The following AK9 variants were observed in gnomAD, a reference collection of about 807,000 sequenced individuals.
AK9 encodes adenylate kinase 9, also known as adenylate kinase domain containing 1.
AK9 carries 191 observed loss-of-function variants against 239.6 expected under a neutral mutation model. The observed-to-expected ratio is 0.80, with a 90% CI of 0.71 to 0.90. AK9 has a LOEUF of 0.90. AK9 is among the 40% of genes least tolerant of loss of function. The pLI, the probability that AK9 is intolerant of heterozygous loss-of-function variation, is 0.00. For missense variants in AK9, 1,995 were observed against 2,214.7 expected (o/e 0.90, Z 1.99); for synonymous variants, 689 against 721.0 (o/e 0.96, Z 0.71).
Position 109,516,454 on chromosome 6 carries a change from A to C in AK9, c.3822T>G (p.Asp1274Glu), listed in dbSNP as rs1582798970. 6.4e-7 allele frequency: 1 copy of C among 1,551,174 alleles called. No homozygotes were observed. The highest frequency in any genetic ancestry group is 1.4e-5 in the African/African-American group (1 of 73,030). Residue 1274 changes from aspartate to glutamate, a missense_variant, in exon 30 of 41, where the codon GAT becomes GAG. Coordinates refer to ENST00000424296, the MANE Select transcript of AK9 (RefSeq NM_001145128.3). The stretch of plus-strand genomic sequence containing the variant: ...CCTGTATTATTTGTAAATTATGTGT[A>C]TCTGCTTCAAATTTTTCTCCTAGTT... ...RGELGEKFEA[D>E]THNLQIIQDE... is the part of the protein sequence containing the mutation.
intron 26 of AK9, among the ~76,000 whole-genome samples, chr6:109,542,405 A>G (rs1398122873): frequency 6.6e-6 from 1 of 152,186 alleles, no homozygotes; most frequent in Non-Finnish European, 1.5e-5. Context: ...GTTCAATAGC[A>G]CAGAGGGAAA....
chr6:109,493,421 T>C lies in AK9; in HGVS notation c.5684A>G (p.His1895Arg), dbSNP rs773468531. The change falls in exon 41 of 41, where the codon CAT becomes CGT. Residue 1895 changes from histidine to arginine, a missense_variant. Physicochemically the swap from His to Arg is conservative, Grantham distance 29. Coordinates refer to ENST00000424296, the MANE Select transcript of AK9 (RefSeq NM_001145128.3). ...EPQFRAIDFD[H>R]KLKTFLSLRN... is the part of the protein sequence containing the mutation. ...GAGAGAGAGAAAGGTCTTTAACTTATGATCAAAGTCAATGGCTCTGAACTG... is the reference window on the plus strand; with the variant it reads ...GAGAGAGAGAAAGGTCTTTAACTTACGATCAAAGTCAATGGCTCTGAACTG... 13 of 1,614,074 alleles carry C rather than the reference T, an allele frequency of 8.1e-6. No individual in the cohort carries two copies. The East Asian group carries it at 8.9e-5, about 11-fold the overall frequency.
intron 21 of AK9, among the ~76,000 whole-genome samples, chr6:109,571,049 C>G (rs1787354928): frequency 6.6e-6 from 1 of 152,122 alleles, no homozygotes; most frequent in African/African-American, 2.4e-5. Context: ...TTAATAGCCT[C>G]TAAGTTGTTT....
intron 21 of AK9, among the ~76,000 whole-genome samples, chr6:109,566,879 A>G (rs534202334): frequency 6.6e-6 from 1 of 152,342 alleles, no homozygotes; most frequent in South Asian, 2.1e-4. Context: ...CTTTGAAACC[A>G]ATGAGAACAA....
At chr6:109,520,391 T>TTTG (rs915004560) in intron 29 of AK9, among the ~76,000 whole-genome samples, 7 of 152,190 alleles carry the variant, frequency 4.6e-5, no homozygotes, top group African/African-American at 1.7e-4. Context: ...TCTATTATTT[T>TTTG]TTGTTGTTGT....
At chr6:109,622,590 C>T (rs9400307) in intron 12 of AK9, among the ~76,000 whole-genome samples, 83,896 of 144,012 alleles carry the variant, frequency 0.58, 25,987 homozygotes, top group East Asian at 0.84. Context: ...GCATAGTATG[C>T]TATATATGTA....
At chr6:109,558,538 T>C (rs1350406961) in intron 24 of AK9, among the ~76,000 whole-genome samples, 1 of 152,246 alleles carries the variant, frequency 6.6e-6, no homozygotes. Context: ...ATTGTCCATA[T>C]ATGTGTGGCT....
intron 8 of AK9, among the ~76,000 whole-genome samples, chr6:109,646,438 C>T (rs986032968): frequency 2.0e-5 from 3 of 151,986 alleles, no homozygotes; most frequent in Non-Finnish European, 2.9e-5. Flanking sequence ...ATGAGAACTA[C>T]GTGATGCATG....
intron 12 of AK9, among the ~76,000 whole-genome samples, chr6:109,624,433 T>A (rs1795276600): frequency 6.6e-6 from 1 of 152,186 alleles, no homozygotes; most frequent in Admixed American, 6.5e-5. Context: ...TTTTTGTGTG[T>A]GTGACTGAAA....
intron 1 of AK9, among the ~76,000 whole-genome samples, chr6:109,683,503 T>C (rs1025776632): frequency 6.6e-6 from 1 of 152,154 alleles, no homozygotes; most frequent in African/African-American, 2.4e-5. Context: ...GAAAACCCCA[T>C]TGTCTCAGCC....
At chr6:109,665,034 C>T (rs566724439) in intron 5 of AK9, among the ~76,000 whole-genome samples, 26 of 152,004 alleles carry the variant, frequency 1.7e-4, no homozygotes, top group East Asian at 1.4e-3. Flanking sequence ...AGCGAGACTC[C>T]GTCTCAAAAA....
At chr6:109,591,220 T>C (rs1021937278) in intron 17 of AK9, among the ~76,000 whole-genome samples, 8 of 152,178 alleles carry the variant, frequency 5.3e-5, no homozygotes, top group African/African-American at 1.9e-4. Context: ...TGCATATATA[T>C]TTAGAAATGA....
At chr6:109,549,146 T>C (rs1783990173) in intron 25 of AK9, among the ~76,000 whole-genome samples, 1 of 152,212 alleles carries the variant, frequency 6.6e-6, no homozygotes, top group Non-Finnish European at 1.5e-5. Flanking sequence ...ATGACTATTG[T>C]ATAGCCATGG....
chr6:109,650,604 G>A (rs1428848088), intron 8 of AK9, among the ~76,000 whole-genome samples: 1 of 152,132 alleles, frequency 6.6e-6, no homozygotes, highest in Non-Finnish European at 1.5e-5. Flanking sequence ...AGGATGTGGA[G>A]AAATAGGAAC....
At position 109,633,123 on chromosome 6, in the gene AK9, G is replaced by T; in HGVS notation, c.1074-20C>A. The T allele has an allele frequency of 6.4e-7, 1 of 1,554,038 alleles. No homozygotes were observed. The highest frequency in any genetic ancestry group is 8.6e-7 in the Non-Finnish European group (1 of 1,157,978). On this transcript the variant is annotated intron_variant, in intron 11 of 40. Coordinates refer to ENST00000424296, the MANE Select transcript of AK9 (RefSeq NM_001145128.3). ...AGAAAACTTAAAATATGCCATATTA[G>T]TAAACAACTGAAAAGATGTATGAGG...
At chr6:109,674,342 TA>T (rs1771388382) in intron 2 of AK9, 81 bp from the exon 3 acceptor site, 3 of 937,006 alleles carry the variant, frequency 3.2e-6, no homozygotes, top group Middle Eastern at 2.6e-4. Context: ...TTAAAGATTC[TA>T]TTGCTAGTTA....
Position 109,564,753 on chromosome 6 carries a change from A to C in AK9, c.2434+3T>G. 1 of 1,534,110 alleles carries C rather than the reference A, an allele frequency of 6.5e-7. No homozygotes were observed. The highest frequency in any genetic ancestry group is 8.8e-7 in the Non-Finnish European group (1 of 1,135,830). On this transcript the variant is annotated splice_donor_region_variant and intron_variant, in intron 22 of 40. Coordinates refer to ENST00000424296, the MANE Select transcript of AK9 (RefSeq NM_001145128.3). ...AAGAACTACTTTCATTTTACAGTCT[A>C]ACCTGTTTCAGATAATTTTTCAATT... is the stretch of plus-strand genomic sequence containing the variant.
At chr6:109,558,639 A>G (rs998510027) in intron 24 of AK9, among the ~76,000 whole-genome samples, 18 of 152,144 alleles carry the variant, frequency 1.2e-4, no homozygotes, top group African/African-American at 4.1e-4. Context: ...TAATTAATTA[A>G]TCTTGAAATC....
Position 109,685,710 on chromosome 6 carries a change from C to T in AK9, c.-12+5437G>A, listed in dbSNP as rs151069601. On this transcript the variant is annotated intron_variant, in intron 1 of 40. Transcript: ENST00000424296. Reference sequence around the variant, plus strand: ...AACTGCACGTTCTGCACATGTACCCCAGAACTTAAAATATAATAATAAAAA... The same window carrying T: ...AACTGCACGTTCTGCACATGTACCCTAGAACTTAAAATATAATAATAAAAA... Among the ~76,000 whole-genome samples, 1,090 of 152,054 alleles carry T rather than the reference C, an allele frequency of 7.2e-3. 9 individuals are homozygous for T. The highest frequency in any genetic ancestry group is 0.025 in the African/African-American group (1,028 of 41,478).
Sources: allele counts gnomAD v4.1 joint callset (sites outside exome capture counted in the v4.1 genomes callset), GRCh38; gene constraint gnomAD v4.1.1; transcripts MANE v1.5; gene names NCBI Gene and HGNC (gene_info 2026-07-23, HGNC 2026-07-21).